GATB: variants seen among roughly 807,000 people sequenced by gnomAD.
GATB encodes glutamyl-tRNA amidotransferase subunit B, also known as glutamyl-tRNA(Gln) amidotransferase subunit B, mitochondrial.
Under a neutral mutation model 62.3 loss-of-function variants are expected in GATB, and 39 were observed. The ratio of observed to expected loss-of-function variants is 0.63; its 90% CI spans 0.48 to 0.82. The LOEUF is 0.82. GATB is among the 40% of genes least tolerant of loss of function. GATB has a pLI of 0.00. For synonymous variants in GATB, 276 were observed against 258.9 expected, an observed-to-expected ratio of 1.07 and a Z score of -0.63; for missense variants, 670 against 684.0, an observed-to-expected ratio of 0.98 and a Z score of 0.23.
Position 151,671,021 on chromosome 4 carries a change from GA to G in GATB, c.*152del. On this transcript the variant is annotated 3_prime_UTR_variant, in exon 13 of 13. Coordinates refer to ENST00000263985, the MANE Select transcript of GATB (RefSeq NM_004564.3). The stretch of plus-strand genomic sequence containing the variant: ...TCCAGGCACAGGGCCTAGAGGGTGA[GA>G]ACACTGGTGACATTAATGCCATAGC... 2 of 887,914 alleles carry G rather than the reference GA, an allele frequency of 2.3e-6. No individual in the cohort carries two copies. The highest frequency in any genetic ancestry group is 1.6e-5 in the South Asian group (1 of 62,032). The allele number at this position is 887,914 out of a possible 1,614,324, so 55.0% of individuals were successfully genotyped here.
intron 2 of GATB, chr4:151,720,413 C>T (rs887720991): frequency 2.6e-5 from 4 of 152,104 alleles, no homozygotes; most frequent in African/African-American, 4.8e-5. Flanking sequence ...CTTTGCAGAA[C>T]AGATAAAGTG....
At chr4:151,753,724 C>T (rs931519517) in intron 2 of GATB, among the ~76,000 whole-genome samples, 3 of 150,588 alleles carry the variant, frequency 2.0e-5, no homozygotes, top group Non-Finnish European at 4.4e-5. Context: ...TCCTCTTAAA[C>T]ACATTTTAAG....
chr4:151,706,606 CCT>C (rs1434622332), intron 6 of GATB, among the ~76,000 whole-genome samples: 7 of 152,190 alleles, frequency 4.6e-5, no homozygotes, highest in Non-Finnish European at 1.0e-4. Context: ...CTATCCCTTC[CCT>C]CTCTGCTCCC....
intron 2 of GATB, among the ~76,000 whole-genome samples, chr4:151,757,333 TGCTGCCCCAATACAACCAAA>T (rs1739851524): frequency 6.6e-6 from 1 of 152,128 alleles, no homozygotes; most frequent in Non-Finnish European, 1.5e-5. Flanking sequence ...AAGACAAAGA[TGCTGCCCCAATACAACCAAA>T]GCTGAGTGAG....
In GATB at chr4:151,705,165, G is replaced by A. The variant is rs377707826; in HGVS notation, c.962+20C>T. ...CACCACCCCCGGCTGTGGTCAGGAC[G>A]CTCAGCAATGCGAACTCACCCCAGC... On this transcript the variant is annotated intron_variant, in intron 7 of 12. Transcript: ENST00000263985. 5.6e-5 allele frequency: 88 copies of A among 1,576,014 alleles called. No homozygotes were observed. In the Middle Eastern group the frequency reaches 8.3e-4, roughly 15 times the overall value.
At chr4:151,705,681 G>A (rs1291555751) in intron 6 of GATB, among the ~76,000 whole-genome samples, 1 of 152,194 alleles carries the variant, frequency 6.6e-6, no homozygotes, top group Non-Finnish European at 1.5e-5. Context: ...GTGTGCATAT[G>A]TGCAGGTTTT....
intron 2 of GATB, among the ~76,000 whole-genome samples, chr4:151,735,757 T>TATATATA (rs1186195836): frequency 2.5e-4 from 34 of 136,360 alleles, no homozygotes; most frequent in East Asian, 1.1e-3. Context: ...TATATATATA[T>TATATATA]GATGGAATAC....
At chr4:151,680,563 C>T (rs1001042584) in intron 10 of GATB, among the ~76,000 whole-genome samples, 3 of 152,066 alleles carry the variant, frequency 2.0e-5, no homozygotes, top group South Asian at 2.1e-4. Flanking sequence ...AGTGAAACAG[C>T]GAAGTGTCAT....
chr4:151,674,470 A>T (rs1737953209), intron 11 of GATB: 1 of 152,248 alleles, frequency 6.6e-6, no homozygotes, highest in South Asian at 2.1e-4. Flanking sequence ...AAGTTAATAC[A>T]CATTCACTGC....
At chr4:151,738,535 C>T (rs1192237758) in intron 2 of GATB, among the ~76,000 whole-genome samples, 5 of 152,172 alleles carry the variant, frequency 3.3e-5, no homozygotes, top group African/African-American at 1.2e-4. Flanking sequence ...ATTGCCCAGT[C>T]TCAGGTATGT....
chr4:151,682,124 T>C (rs1738152133), intron 10 of GATB, among the ~76,000 whole-genome samples: 1 of 152,204 alleles, frequency 6.6e-6, no homozygotes, highest in East Asian at 1.9e-4. Flanking sequence ...AATTCATCAG[T>C]TGGGTCATAA....
At chr4:151,729,931 G>A (rs748289063) in intron 2 of GATB, among the ~76,000 whole-genome samples, 1 of 152,188 alleles carries the variant, frequency 6.6e-6, no homozygotes, top group Non-Finnish European at 1.5e-5. Context: ...CTTGCATTGT[G>A]AATTTTACCT....
At chr4:151,688,065 C>T (rs1455423822) in intron 10 of GATB, among the ~76,000 whole-genome samples, 1 of 152,224 alleles carries the variant, frequency 6.6e-6, no homozygotes, top group Non-Finnish European at 1.5e-5. Flanking sequence ...ACCATTCCCA[C>T]CTGCCTGCCT....
rs904306540 is a variant in GATB, at chr4:151,701,356, C to T, written c.1170G>A (p.Met390Ile). The change falls in exon 9 of 13, where the codon ATG (methionine) becomes ATA (isoleucine). Residue 390 changes from methionine (M) to isoleucine (I), a missense_variant. Coordinates refer to ENST00000263985, the MANE Select transcript of GATB (RefSeq NM_004564.3). ...TREKLVQQYG[M>I]LLEHSFTLLN... ...GCAAAGTGAAGCTGTGTTCCAGCAG[C>T]ATCCCATACTGTTGGACAAGCTTCT... 4 of 1,569,056 alleles carry T rather than the reference C, an allele frequency of 2.5e-6. No homozygotes were observed. The African/African-American group carries it at 5.5e-5, about 21-fold the overall frequency.
At chr4:151,688,601 G>A (rs1738299341) in intron 10 of GATB, 29 bp downstream of exon 10, 1 of 1,587,144 alleles carries the variant, frequency 6.3e-7, no homozygotes. Context: ...TCATCACAAA[G>A]GAAGAAAGAA....
chr4:151,705,293 C>T (rs770123937), intron 6 of GATB, 24 bp from the exon 7 acceptor site: 2 of 1,480,634 alleles, frequency 1.4e-6, no homozygotes, highest in South Asian at 2.3e-5. Flanking sequence ...ACTAATTTAG[C>T]ATCATATTTT....
chr4:151,696,422 C>G (rs1347528891), intron 9 of GATB, among the ~76,000 whole-genome samples: 1 of 152,228 alleles, frequency 6.6e-6, no homozygotes, highest in Non-Finnish European at 1.5e-5. Context: ...TAATGAAACA[C>G]AAGTGACTCC....
intron 10 of GATB, among the ~76,000 whole-genome samples, chr4:151,686,652 G>GCTCCGCC (rs1644019175): frequency 1.4e-5 from 1 of 70,922 alleles, no homozygotes; most frequent in Non-Finnish European, 2.7e-5. Context: ...TCCCCGCCCC[G>GCTCCGCC]CCCCCCCCCC....
At chr4:151,691,269 G>C (rs1324237866) in intron 9 of GATB, among the ~76,000 whole-genome samples, 2 of 152,178 alleles carry the variant, frequency 1.3e-5, no homozygotes, top group Admixed American at 6.5e-5. Context: ...CAATAGAACT[G>C]CAACTTCAGC....
Sources: allele counts gnomAD v4.1 joint callset (sites outside exome capture counted in the v4.1 genomes callset), GRCh38; gene constraint gnomAD v4.1.1; transcripts MANE v1.5; gene names NCBI Gene and HGNC (gene_info 2026-07-23, HGNC 2026-07-21).